Variants in CDH18 observed in about 807,000 individuals in gnomAD.
CDH18 encodes the protein cadherin 18.
CDH18 carries 31 observed loss-of-function variants against 67.9 expected under a neutral mutation model. The observed-to-expected ratio is 0.46, with a 90% CI of 0.34 to 0.62. CDH18 has a LOEUF of 0.62. Among genes scored for constraint, CDH18 ranks in the 20% least tolerant of loss-of-function variants. The pLI is 0.01. For synonymous variants in CDH18, 362 were observed against 347.2 expected (o/e 1.04, Z -0.48); for missense variants, 890 against 975.5 (o/e 0.91, Z 1.17).
intron 2 of CDH18, among the ~76,000 whole-genome samples, chr5:19,882,931 CTATTA>C (rs1787808973): frequency 6.6e-6 from 1 of 152,062 alleles, no homozygotes; most frequent in African/African-American, 2.4e-5. Context: ...TATAAAATTA[CTATTA>C]TATTTATATG....
chr5:20,147,699 T>C (rs1300953664), intron 2 of CDH18, among the ~76,000 whole-genome samples: 1 of 152,170 alleles, frequency 6.6e-6, no homozygotes, highest in African/African-American at 2.4e-5. Flanking sequence ...GTTGAAACCT[T>C]TTTTGGTCAT....
At chr5:19,966,283 A>C (rs982036818) in intron 2 of CDH18, among the ~76,000 whole-genome samples, 1 of 152,158 alleles carries the variant, frequency 6.6e-6, no homozygotes, top group Admixed American at 6.6e-5. Flanking sequence ...ATATCCAATA[A>C]TGCTCTTGCT....
At chr5:20,475,120 A>T (rs1212941221) in intron 1 of CDH18, among the ~76,000 whole-genome samples, 1 of 152,206 alleles carries the variant, frequency 6.6e-6, no homozygotes, top group Non-Finnish European at 1.5e-5. Context: ...ACTAAAATTC[A>T]ATGTTTAAAA....
intron 2 of CDH18, among the ~76,000 whole-genome samples, chr5:20,231,616 G>T (rs1201827847): frequency 6.8e-6 from 1 of 147,582 alleles, no homozygotes; most frequent in Admixed American, 6.8e-5. Context: ...GAAAAAAAAA[G>T]AAAAGAAAAG....
chr5:19,603,389 T>C (rs908427170), intron 6 of CDH18, among the ~76,000 whole-genome samples: 2 of 152,112 alleles, frequency 1.3e-5, no homozygotes, highest in African/African-American at 4.8e-5. Flanking sequence ...AAACAATGGG[T>C]ACAAAGTTTT....
chr5:20,424,666 G>C (rs1748140657), intron 1 of CDH18, among the ~76,000 whole-genome samples: 1 of 135,586 alleles, frequency 7.4e-6, no homozygotes, highest in South Asian at 2.4e-4. Flanking sequence ...AGAATCTCTT[G>C]ATCCTGGGAG....
chr5:19,542,076 A>G (rs1282086094), intron 9 of CDH18, among the ~76,000 whole-genome samples: 1 of 152,214 alleles, frequency 6.6e-6, no homozygotes, highest in East Asian at 1.9e-4. Context: ...GGTTACTTTT[A>G]CAGAGATATT....
intron 1 of CDH18, among the ~76,000 whole-genome samples, chr5:20,403,942 G>C (rs920115850): frequency 4.6e-5 from 7 of 152,150 alleles, no homozygotes; most frequent in Non-Finnish European, 8.8e-5. Context: ...CTGTTGTTTT[G>C]TGTAACCATT....
intron 1 of CDH18, among the ~76,000 whole-genome samples, chr5:20,340,515 C>G (rs542340737): frequency 3.3e-5 from 5 of 152,290 alleles, no homozygotes; most frequent in African/African-American, 1.2e-4. Context: ...AAAAGGAAGT[C>G]TCCTTGACGC....
chr5:20,419,024 T>C (rs1371485976), intron 1 of CDH18, among the ~76,000 whole-genome samples: 1 of 152,000 alleles, frequency 6.6e-6, no homozygotes, highest in Non-Finnish European at 1.5e-5. Context: ...CCCATCCAAA[T>C]TTCAACTTGA....
chr5:20,001,176 T>C (rs1171515714), intron 2 of CDH18, among the ~76,000 whole-genome samples: 1 of 152,216 alleles, frequency 6.6e-6, no homozygotes, highest in Non-Finnish European at 1.5e-5. Context: ...CATTTGAGAA[T>C]GTGTGATTAG....
intron 5 of CDH18, among the ~76,000 whole-genome samples, chr5:19,649,166 G>A (rs1009887465): frequency 7.9e-5 from 12 of 152,090 alleles, no homozygotes; most frequent in Non-Finnish European, 1.5e-5. Context: ...CAAATCTTGA[G>A]ATATCCATAC....
chr5:20,339,251 G>C (rs1295184154), intron 1 of CDH18, among the ~76,000 whole-genome samples: 4 of 152,074 alleles, frequency 2.6e-5, no homozygotes, highest in Admixed American at 6.5e-5. Context: ...ATATTCTTTT[G>C]CACAAAGGCA....
intron 4 of CDH18, among the ~76,000 whole-genome samples, chr5:19,741,097 C>CAT (rs1554020119): frequency 3.9e-4 from 58 of 149,040 alleles, no homozygotes; most frequent in Admixed American, 1.0e-3. Flanking sequence ...ATAGTGTATG[C>CAT]GTATATATAT....
chr5:19,732,435 G>T (rs1030118383), intron 4 of CDH18, among the ~76,000 whole-genome samples: 4 of 151,956 alleles, frequency 2.6e-5, no homozygotes, highest in Non-Finnish European at 5.9e-5. Flanking sequence ...CCACATGACA[G>T]AGTGAGAGCA....
At chr5:20,055,405 C>A (rs555078052) in intron 2 of CDH18, among the ~76,000 whole-genome samples, 11 of 152,306 alleles carry the variant, frequency 7.2e-5, no homozygotes, top group African/African-American at 2.6e-4. Flanking sequence ...ATTGTGGAGT[C>A]AGCTTTTAAG....
At chr5:20,263,479 T>C (rs1158218370) in intron 1 of CDH18, among the ~76,000 whole-genome samples, 2 of 152,186 alleles carry the variant, frequency 1.3e-5, no homozygotes, top group Non-Finnish European at 2.9e-5. Context: ...TTGACAGTAC[T>C]GTAACCCTTA....
At chr5:19,985,723 A>C (rs368642776) in intron 1 of CDH18, among the ~76,000 whole-genome samples, 1 of 152,114 alleles carries the variant, frequency 6.6e-6, no homozygotes, top group African/African-American at 2.4e-5. Context: ...ATGAGGGCCT[A>C]AAGTTCTGTA....
intron 7 of CDH18, among the ~76,000 whole-genome samples, chr5:19,584,796 A>AAAAAAAAAAAAC: frequency 6.8e-6 from 1 of 147,930 alleles, no homozygotes; most frequent in Admixed American, 6.8e-5. Context: ...AAAAATACAA[A>AAAAAAAAAAAAC]AAAAAAAAAA....
Sources: gnomAD v4.1 joint callset for allele counts (sites outside exome capture counted in the v4.1 genomes callset) on GRCh38, gnomAD v4.1.1 for gene constraint, MANE v1.5 for transcripts, NCBI Gene and HGNC (gene_info 2026-07-23, HGNC 2026-07-21) for gene names.